SLC37A1: variants seen among roughly 807,000 people sequenced by gnomAD.
The protein encoded by SLC37A1 is solute carrier family 37 member 1, also known as glucose-6-phosphate exchanger SLC37A1.
Under a neutral mutation model 75.3 loss-of-function variants are expected in SLC37A1, and 49 were observed. The observed-to-expected ratio is 0.65, with a 90% CI of 0.52 to 0.83. The LOEUF (loss-of-function observed/expected upper bound fraction) is 0.83. SLC37A1 is among the 40% of genes least tolerant of loss of function. SLC37A1 has a pLI of 0.00. For missense variants in SLC37A1, 566 were observed against 695.0 expected (o/e 0.81, Z 2.09); for synonymous variants, 268 against 292.1 (o/e 0.92, Z 0.84).
intron 1 of SLC37A1, among the ~76,000 whole-genome samples, chr21:42,502,090 T>C (rs1490991837): frequency 1.3e-5 from 2 of 152,364 alleles, no homozygotes; most frequent in Non-Finnish European, 2.9e-5. Flanking sequence ...AACGTGTATA[T>C]TTAGCTCAGG....
chr21:42,561,984 TA>T, intron 11 of SLC37A1, 93 bp from the exon 12 acceptor site: 1 of 1,004,824 alleles, frequency 1.0e-6, no homozygotes, highest in Non-Finnish European at 1.6e-6. Flanking sequence ...AGGATGTCTT[TA>T]TGGGAGCGAA....
chr21:42,518,634 A>T (rs999772028), intron 2 of SLC37A1, 124 bp downstream of exon 2: 2 of 1,101,636 alleles, frequency 1.8e-6, no homozygotes, highest in African/African-American at 3.1e-5. Flanking sequence ...GACCTCACCC[A>T]TAACCGTTGA....
Position 42,499,692 on chromosome 21 carries a change from G to A in SLC37A1, c.-352G>A, listed in dbSNP as rs1002157952. The A allele has an allele frequency of 8.5e-5, 13 of 152,256 alleles. 1 individual carries two copies. The highest frequency in any genetic ancestry group is 6.5e-5 in the Admixed American group (1 of 15,286). The allele number at this position is 152,256 out of a possible 1,614,324, so 9.4% of individuals were successfully genotyped here. On this transcript the variant is annotated 5_prime_UTR_variant, in exon 1 of 21. Transcript: ENST00000398341. ...AGGGAGGGCCGAGGGGAAGGCCCTC[G>A]AGAGAGTGGAGGGCAACAGTGGCCA...
At chr21:42,578,906 C>G (rs922020316) in intron 18 of SLC37A1, among the ~76,000 whole-genome samples, 3 of 152,192 alleles carry the variant, frequency 2.0e-5, no homozygotes, top group South Asian at 2.1e-4. Context: ...CCCTCCAGCA[C>G]CCCTTCCCTG....
intron 17 of SLC37A1, among the ~76,000 whole-genome samples, chr21:42,569,906 G>A (rs1368946595): frequency 1.3e-5 from 2 of 152,236 alleles, no homozygotes; most frequent in Admixed American, 6.5e-5. Context: ...AGGCGCCCCC[G>A]CCCAGCCCTG....
intron 9 of SLC37A1, among the ~76,000 whole-genome samples, chr21:42,549,544 G>C (rs2055505233): frequency 6.6e-6 from 1 of 152,222 alleles, no homozygotes; most frequent in Non-Finnish European, 1.5e-5. Context: ...AGAGATGGCT[G>C]ATATCTGGGG....
intron 14 of SLC37A1, among the ~76,000 whole-genome samples, chr21:42,565,532 G>A (rs1358695063): frequency 6.6e-6 from 1 of 152,236 alleles, no homozygotes; most frequent in Non-Finnish European, 1.5e-5. Flanking sequence ...CAAGAAGGCA[G>A]CCCCTTGGCT....
In SLC37A1 at chr21:42,548,090, A is replaced by G. The variant is rs2055460460; in HGVS notation, c.768+950A>G. ...GCTCCCCTACCCGGGCTAACATGTTAGTCACGTCTGTGCCGAGTGTCAGAC... is the reference window on the plus strand; with the variant it reads ...GCTCCCCTACCCGGGCTAACATGTTGGTCACGTCTGTGCCGAGTGTCAGAC... On this transcript the variant is annotated intron_variant, in intron 9 of 19. Transcript: ENST00000352133. The surrounding 1 kb of genome is among the most constrained non-coding windows in gnomAD (Gnocchi z 5.6). Among the ~76,000 whole-genome samples, 1 of 152,094 alleles carries G rather than the reference A, an allele frequency of 6.6e-6. No homozygotes were observed. The highest frequency in any genetic ancestry group is 2.4e-5 in the African/African-American group (1 of 41,402).
At chr21:42,521,695 G>T (rs1034166818) in intron 2 of SLC37A1, among the ~76,000 whole-genome samples, 1 of 152,230 alleles carries the variant, frequency 6.6e-6, no homozygotes, top group Non-Finnish European at 1.5e-5. Flanking sequence ...CATATTGGTG[G>T]AAGCCAAGCA....
intron 16 of SLC37A1, among the ~76,000 whole-genome samples, chr21:42,567,663 C>T (rs2056014061): frequency 6.6e-6 from 1 of 152,188 alleles, no homozygotes; most frequent in Admixed American, 6.5e-5. Context: ...ATTTTATATA[C>T]ATATTACGTG....
chr21:42,575,574 A>G (rs892006555), intron 18 of SLC37A1: 3 of 985,158 alleles, frequency 3.0e-6, no homozygotes, highest in Non-Finnish European at 2.4e-6. Flanking sequence ...TCACAGTCAC[A>G]TAGATGTGCA....
chr21:42,528,499 G>A (rs953376140), intron 3 of SLC37A1, among the ~76,000 whole-genome samples: 2 of 152,194 alleles, frequency 1.3e-5, no homozygotes, highest in African/African-American at 4.8e-5. Flanking sequence ...GAATGTGAGT[G>A]TGCCCACCCC....
chr21:42,515,412 C>T (rs1448632924), intron 1 of SLC37A1, among the ~76,000 whole-genome samples: 3 of 152,040 alleles, frequency 2.0e-5, no homozygotes, highest in South Asian at 2.1e-4. Context: ...TCTGTGGGGC[C>T]GCTTTGATTA....
At chr21:42,501,806 G>T (rs2054344366) in intron 1 of SLC37A1, among the ~76,000 whole-genome samples, 1 of 152,190 alleles carries the variant, frequency 6.6e-6, no homozygotes, top group Non-Finnish European at 1.5e-5. Context: ...CTTTCCTACT[G>T]GTGGATATGT....
chr21:42,566,320 A>G (rs1048003549), intron 15 of SLC37A1, among the ~76,000 whole-genome samples: 5 of 152,248 alleles, frequency 3.3e-5, no homozygotes, highest in African/African-American at 1.2e-4. Context: ...TGACCTGAAC[A>G]GGGTCCGGCC....
upstream of SLC37A1, among the ~76,000 whole-genome samples, chr21:42,511,271 G>T (rs111580353): frequency 1.2e-4 from 18 of 152,248 alleles, no homozygotes; most frequent in African/African-American, 4.3e-4. Flanking sequence ...AGGGAAATCA[G>T]AAAATTCCTT....
rs1445394887 is a variant in SLC37A1, at chr21:42,581,285, G to A, written c.*925G>A. ...GGGTTATTTATTTAAGATGTGTATT[G>A]TGTCATATGAAGTTTAAGAGACATA... On this transcript the variant is annotated 3_prime_UTR_variant, in exon 20 of 20. Coordinates refer to ENST00000352133, the MANE Select transcript of SLC37A1 (RefSeq NM_001320537.2). 6.6e-6 allele frequency: 1 copy of A among 152,654 alleles called. No individual in the cohort carries two copies. The highest frequency in any genetic ancestry group is 1.9e-4 in the East Asian group (1 of 5,202). 9.5% of individuals were successfully genotyped at this position (152,654 alleles called of 1,614,324 possible).
At chr21:42,513,847 T>C (rs2054468738), upstream of SLC37A1, 1 of 144,664 alleles carries the variant, frequency 6.9e-6, no homozygotes, top group Non-Finnish European at 1.5e-5. Context: ...CGCGCGCCGC[T>C]CCAGGAAGTC....
rs191749963 is a variant in SLC37A1, at chr21:42,552,684, A to T, written c.769-1378A>T. On this transcript the variant is annotated intron_variant, in intron 9 of 19. Transcript: ENST00000352133. This position sits in a 1 kb window ranked among gnomAD's most constrained non-coding sequence, Gnocchi z 4.2. ...AGGGACAGGCCCCTTCCCTTTCAGG[A>T]GACTTCCTAGCATTTCCTAACATCA... is the stretch of plus-strand genomic sequence containing the variant. 7.4e-3 allele frequency among the ~76,000 whole-genome samples: 1,134 copies of T among 152,312 alleles called. 4 individuals are homozygous for T. Among genetic ancestry groups the T allele is most frequent in the Middle Eastern group, 0.014 (4 of 294 alleles).
Sources: gnomAD v4.1 joint callset for allele counts (sites outside exome capture counted in the v4.1 genomes callset) on GRCh38, gnomAD v4.1.1 for gene constraint, Gnocchi (gnomAD v3.1) non-coding constraint, MANE v1.5 for transcripts, NCBI Gene and HGNC (gene_info 2026-07-23, HGNC 2026-07-21) for gene names.